The following MARCHF1 variants were observed in gnomAD, a reference collection of about 807,000 sequenced individuals.
MARCHF1 encodes the protein membrane associated ring-CH-type finger 1.
MARCHF1 carries 40 observed loss-of-function variants against 54.2 expected under a neutral mutation model. The observed-to-expected ratio is 0.74, with a 90% CI of 0.57 to 0.96. MARCHF1 has a LOEUF of 0.96. Among genes scored for constraint, MARCHF1 ranks in the 40% least tolerant of loss-of-function variants. The pLI, the probability that MARCHF1 is intolerant of heterozygous loss-of-function variation, is 0.00. For synonymous variants in MARCHF1, 236 were observed against 236.3 expected, an observed-to-expected ratio of 1.00 and a Z score of 0.01; for missense variants, 586 against 656.5, an observed-to-expected ratio of 0.89 and a Z score of 1.17.
intron 1 of MARCHF1, among the ~76,000 whole-genome samples, chr4:164,289,585 GAAAA>G (rs71600697): frequency 3.2e-4 from 42 of 131,134 alleles, no homozygotes; most frequent in Middle Eastern, 3.8e-3. Context: ...TACTTAGATG[GAAAA>G]AAAAAAAAAA....
chr4:164,129,695 C>G (rs1168740887), intron 1 of MARCHF1, among the ~76,000 whole-genome samples: 1 of 152,014 alleles, frequency 6.6e-6, no homozygotes, highest in Non-Finnish European at 1.5e-5. Flanking sequence ...TGAGTACAAT[C>G]AAGTGTGGAA....
At chr4:164,145,199 G>C (rs1270219003) in intron 1 of MARCHF1, among the ~76,000 whole-genome samples, 1 of 151,930 alleles carries the variant, frequency 6.6e-6, no homozygotes, top group African/African-American at 2.4e-5. Flanking sequence ...CAACCAAAAA[G>C]AGTCCAGGAC....
intron 1 of MARCHF1, among the ~76,000 whole-genome samples, chr4:164,144,357 A>T (rs2110877940): frequency 6.6e-6 from 1 of 151,786 alleles, no homozygotes; most frequent in Non-Finnish European, 1.5e-5. Flanking sequence ...CCCCAAATCA[A>T]CAGAATATAT....
chr4:163,595,043 C>T (rs548482983), intron 7 of MARCHF1, among the ~76,000 whole-genome samples: 47 of 151,976 alleles, frequency 3.1e-4, no homozygotes, highest in African/African-American at 1.1e-3. Context: ...ACGGAAACAA[C>T]CTAAATGTCC....
Position 163,873,478 on chromosome 4 carries a change from T to C in MARCHF1, c.-38-19309A>G, listed in dbSNP as rs566528024. Among the ~76,000 whole-genome samples, 4 of 152,298 alleles carry C rather than the reference T, an allele frequency of 2.6e-5. No homozygotes were observed. In the South Asian group the frequency reaches 8.3e-4, roughly 32 times the overall value. On this transcript the variant is annotated intron_variant, in intron 3 of 9. Transcript: ENST00000514618. ...TCTCAGCCTCATTTAAGAGTCAGGC[T>C]TTTGACAGAGCTGGACTCTGCATGG...
chr4:164,208,020 G>A (rs1349229495), intron 1 of MARCHF1, among the ~76,000 whole-genome samples: 3 of 152,158 alleles, frequency 2.0e-5, no homozygotes, highest in African/African-American at 4.8e-5. Flanking sequence ...GGATATTTAA[G>A]TAGAGCTTTC....
At chr4:164,125,037 C>A (rs1490312035) in intron 1 of MARCHF1, among the ~76,000 whole-genome samples, 2 of 151,770 alleles carry the variant, frequency 1.3e-5, no homozygotes, top group African/African-American at 4.8e-5. Flanking sequence ...ACATGTGCCC[C>A]ATAAATATAT....
intron 4 of MARCHF1, among the ~76,000 whole-genome samples, chr4:163,775,588 G>T (rs906154489): frequency 2.0e-5 from 3 of 152,090 alleles, no homozygotes; most frequent in Non-Finnish European, 4.4e-5. Context: ...GGAATTTATT[G>T]ACAAATTCCT....
At chr4:164,089,060 A>G (rs974138718) in intron 2 of MARCHF1, among the ~76,000 whole-genome samples, 5 of 152,132 alleles carry the variant, frequency 3.3e-5, no homozygotes, top group African/African-American at 9.7e-5. Context: ...AGAGCTTTAC[A>G]TTTCTTACAG....
At chr4:164,071,820 T>C (rs2111092424) in intron 2 of MARCHF1, among the ~76,000 whole-genome samples, 1 of 152,314 alleles carries the variant, frequency 6.6e-6, no homozygotes, top group African/African-American at 2.4e-5. Flanking sequence ...GGCACATATA[T>C]GTAAGTATAC....
intron 1 of MARCHF1, among the ~76,000 whole-genome samples, chr4:164,146,936 C>T (rs925185035): frequency 1.4e-4 from 21 of 149,602 alleles, no homozygotes; most frequent in African/African-American, 5.2e-4. Context: ...TGACAAAGGG[C>T]TAATATCCAG....
chr4:164,028,868 T>C (rs552795796), intron 2 of MARCHF1, among the ~76,000 whole-genome samples: 153 of 152,328 alleles, frequency 1.0e-3, no homozygotes, highest in African/African-American at 3.4e-3. Flanking sequence ...GAAAGTGTTG[T>C]TGAGCAGCCC....
chr4:163,821,059 G>A (rs1302487576), intron 4 of MARCHF1, among the ~76,000 whole-genome samples: 2 of 151,984 alleles, frequency 1.3e-5, no homozygotes, highest in African/African-American at 2.4e-5. Flanking sequence ...AGCTCGCACT[G>A]CACTTGATCA....
chr4:164,346,305 G>A (rs553742341), intron 1 of MARCHF1, among the ~76,000 whole-genome samples: 2 of 152,156 alleles, frequency 1.3e-5, no homozygotes, highest in African/African-American at 2.4e-5. Flanking sequence ...TTCTATAAAT[G>A]TGCAGAAGTC....
At chr4:164,275,875 T>G (rs1054694974) in intron 1 of MARCHF1, among the ~76,000 whole-genome samples, 15 of 152,312 alleles carry the variant, frequency 9.8e-5, no homozygotes, top group Admixed American at 8.5e-4. Context: ...GGAGTGACAT[T>G]GCCTTTTAGT....
At chr4:163,654,582 T>C (rs1277231027) in intron 5 of MARCHF1, among the ~76,000 whole-genome samples, 1 of 151,710 alleles carries the variant, frequency 6.6e-6, no homozygotes, top group Admixed American at 6.6e-5. Flanking sequence ...TTGGGTGAAT[T>C]GTTCTCATTC....
intron 1 of MARCHF1, among the ~76,000 whole-genome samples, chr4:164,126,150 A>G (rs1756174965): frequency 6.6e-6 from 1 of 152,180 alleles, no homozygotes; most frequent in Non-Finnish European, 1.5e-5. Flanking sequence ...TCCTTCCAAA[A>G]TTCGTACATT....
chr4:163,534,333 A>C (rs1221290959), intron 9 of MARCHF1, among the ~76,000 whole-genome samples: 1 of 152,098 alleles, frequency 6.6e-6, no homozygotes, highest in Non-Finnish European at 1.5e-5. Flanking sequence ...CATCTGGCCC[A>C]GAGGAAGAAG....
intron 3 of MARCHF1, among the ~76,000 whole-genome samples, chr4:163,859,731 G>C (rs1749871982): frequency 6.6e-6 from 1 of 152,144 alleles, no homozygotes; most frequent in Non-Finnish European, 1.5e-5. Context: ...TCAGGAACAG[G>C]AAGGAGAGGC....
Sources: allele counts gnomAD v4.1 joint callset (sites outside exome capture counted in the v4.1 genomes callset), GRCh38; gene constraint gnomAD v4.1.1; transcripts MANE v1.5; gene names NCBI Gene and HGNC (gene_info 2026-07-23, HGNC 2026-07-21).